Variants in BLTP3A observed in about 807,000 individuals in gnomAD.
The protein encoded by BLTP3A is bridge-like lipid transfer protein family member 3A, also known as ICBP90 binding protein 1.
chr6:34,867,666 G>A, the BLTP3A span: 1 of 1,573,366 alleles, frequency 6.4e-7, no homozygotes, highest in South Asian at 1.2e-5. Flanking sequence ...GTCTAGGACA[G>A]CCATAGATTA....
chr6:34,793,963 CCAG>C, the BLTP3A span, among the ~76,000 whole-genome samples: 1 of 151,322 alleles, frequency 6.6e-6, no homozygotes, highest in Non-Finnish European at 1.5e-5. Context: ...TACTGTTTGT[CCAG>C]CCCAGCCAAC....
the BLTP3A span, among the ~76,000 whole-genome samples, chr6:34,809,348 G>A: frequency 6.6e-6 from 1 of 152,124 alleles, no homozygotes; most frequent in African/African-American, 2.4e-5. Flanking sequence ...AGCAGCAGTT[G>A]CACCACTGCA....
the BLTP3A span, among the ~76,000 whole-genome samples, chr6:34,830,359 C>T: frequency 1.8e-4 from 27 of 151,910 alleles, no homozygotes; most frequent in South Asian, 8.3e-4. Context: ...GAGGCCGAGG[C>T]GGGCAGATCA....
chr6:34,836,977 G>T, the BLTP3A span, among the ~76,000 whole-genome samples: 3 of 152,276 alleles, frequency 2.0e-5, no homozygotes, highest in South Asian at 6.2e-4. Flanking sequence ...TTCCACATTC[G>T]TGAAATTGAG....
the BLTP3A span, among the ~76,000 whole-genome samples, chr6:34,826,847 T>C: frequency 6.6e-6 from 1 of 152,198 alleles, no homozygotes; most frequent in African/African-American, 2.4e-5. Flanking sequence ...TTGAGGATTC[T>C]TTTATACAAC....
chr6:34,858,736 C>T, the BLTP3A span: 1 of 1,614,234 alleles, frequency 6.2e-7, no homozygotes, highest in Non-Finnish European at 8.5e-7. Flanking sequence ...CATGGAAATT[C>T]TGAAAGAAGG....
At chr6:34,859,704 C>A in the BLTP3A span, 2 of 1,347,510 alleles carry the variant, frequency 1.5e-6, no homozygotes, top group Admixed American at 2.3e-5. Flanking sequence ...CATAGAATGG[C>A]CTATTTAATG....
the BLTP3A span, among the ~76,000 whole-genome samples, chr6:34,827,704 T>A: frequency 6.6e-6 from 1 of 152,188 alleles, no homozygotes; most frequent in Non-Finnish European, 1.5e-5. Flanking sequence ...CCATCTCGGC[T>A]CACTGCAACC....
chr6:34,877,228 A>G, the BLTP3A span: 1 of 152,674 alleles, frequency 6.5e-6, no homozygotes, highest in African/African-American at 2.4e-5. Flanking sequence ...TGCTCAGGAA[A>G]GCTTCACGAG....
At chr6:34,861,067 T>G in the BLTP3A span, among the ~76,000 whole-genome samples, 1 of 152,208 alleles carries the variant, frequency 6.6e-6, no homozygotes, top group African/African-American at 2.4e-5. Flanking sequence ...CTTCTTCCTT[T>G]TATCCTATAG....
At chr6:34,861,245 C>G in the BLTP3A span, among the ~76,000 whole-genome samples, 1 of 152,120 alleles carries the variant, frequency 6.6e-6, no homozygotes, top group Non-Finnish European at 1.5e-5. Flanking sequence ...CCTGCCTCAG[C>G]CTCCTGAGTA....
At chr6:34,839,700 C>T in the BLTP3A span, among the ~76,000 whole-genome samples, 1 of 152,218 alleles carries the variant, frequency 6.6e-6, no homozygotes, top group Non-Finnish European at 1.5e-5. Flanking sequence ...TAGCAGCTCT[C>T]TCATCAACAG....
chr6:34,806,768 C>T, the BLTP3A span, among the ~76,000 whole-genome samples: 1 of 152,174 alleles, frequency 6.6e-6, no homozygotes, highest in Admixed American at 6.5e-5. Context: ...TCAAGCGATT[C>T]TTCTGCCTCA....
the BLTP3A span, chr6:34,859,507 T>G: frequency 3.1e-6 from 5 of 1,614,020 alleles, no homozygotes; most frequent in Non-Finnish European, 4.2e-6. Context: ...TAAGGATGCC[T>G]TCAGTTTGGG....
At chr6:34,867,785 G>C in the BLTP3A span, among the ~76,000 whole-genome samples, 1 of 152,078 alleles carries the variant, frequency 6.6e-6, no homozygotes, top group Admixed American at 6.5e-5. Context: ...TTTGCAAAGA[G>C]CCTCTCAGAG....
At chr6:34,865,851 AT>A in the BLTP3A span, among the ~76,000 whole-genome samples, 1 of 152,188 alleles carries the variant, frequency 6.6e-6, no homozygotes, top group African/African-American at 2.4e-5. Context: ...TTTCATGTCT[AT>A]GTACAAAAGT....
chr6:34,871,231 A>G, the BLTP3A span: 1 of 1,255,650 alleles, frequency 8.0e-7, no homozygotes, highest in Non-Finnish European at 1.1e-6. Flanking sequence ...ACTGTAAAAT[A>G]TGGTGAGGAT....
chr6:34,837,667 A>G, the BLTP3A span, among the ~76,000 whole-genome samples: 1 of 152,112 alleles, frequency 6.6e-6, no homozygotes, highest in Non-Finnish European at 1.5e-5. Context: ...TGACACAGTG[A>G]GACCCTGTTT....
the BLTP3A span, chr6:34,823,250 A>G: frequency 0.35 from 564,783 of 1,611,264 alleles, 105,027 homozygotes; most frequent in African/African-American, 0.68. Flanking sequence ...CTTGACTTCT[A>G]TTTCAGTGTC....
Sources: gnomAD v4.1 joint callset for allele counts (sites outside exome capture counted in the v4.1 genomes callset) on GRCh38, gnomAD v4.1.1 for gene constraint, MANE v1.5 for transcripts, NCBI Gene and HGNC (gene_info 2026-07-23, HGNC 2026-07-21) for gene names.